PPP1R9A: variants seen among roughly 807,000 people sequenced by gnomAD.
PPP1R9A encodes neurabin-1.
A neutral mutation model predicts 141.9 loss-of-function variants in PPP1R9A; 59 were observed. That is an observed-to-expected ratio of 0.42 (90% CI 0.34 to 0.52). The LOEUF (loss-of-function observed/expected upper bound fraction) is 0.52, where lower values mean the gene tolerates loss of function less well. Ranked by LOEUF, PPP1R9A falls within the 20% of genes least tolerant of loss-of-function variation. PPP1R9A has a pLI of 0.10. For synonymous variants in PPP1R9A, 500 were observed against 569.7 expected (o/e 0.88, Z 1.74); for missense variants, 1,444 against 1,611.9 (o/e 0.90, Z 1.78).
chr7:95,222,543 G>A (rs1032357199), intron 7 of PPP1R9A, among the ~76,000 whole-genome samples: 10 of 151,832 alleles, frequency 6.6e-5, no homozygotes, highest in Admixed American at 3.3e-4. Context: ...TAATCAGAAA[G>A]GTAGGTAAAG....
At chr7:94,996,991 A>T (rs1358042799) in intron 2 of PPP1R9A, among the ~76,000 whole-genome samples, 3 of 151,932 alleles carry the variant, frequency 2.0e-5, no homozygotes, top group African/African-American at 7.3e-5. Flanking sequence ...TGGTAGAGAC[A>T]CGGGGTTTCA....
chr7:95,091,882 T>A (rs1185353074), intron 2 of PPP1R9A, among the ~76,000 whole-genome samples: 2 of 150,414 alleles, frequency 1.3e-5, no homozygotes, highest in South Asian at 2.1e-4. Context: ...GCATGGTTTT[T>A]TAATTCATGG....
At chr7:94,957,282 G>A (rs1447527067) in intron 2 of PPP1R9A, among the ~76,000 whole-genome samples, 1 of 152,084 alleles carries the variant, frequency 6.6e-6, no homozygotes, top group Non-Finnish European at 1.5e-5. Flanking sequence ...CTGCTTGGGT[G>A]TCATGCTTGA....
At chr7:94,928,826 A>G (rs1442347304) in intron 2 of PPP1R9A, among the ~76,000 whole-genome samples, 1 of 152,212 alleles carries the variant, frequency 6.6e-6, no homozygotes, top group Non-Finnish European at 1.5e-5. Flanking sequence ...TGAGGGAGAT[A>G]TAGATGACAG....
At chr7:95,288,513 A>T (rs1805765762) in intron 18 of PPP1R9A, 23 bp from the exon 19 acceptor site, 2 of 1,610,468 alleles carry the variant, frequency 1.2e-6, no homozygotes, top group Non-Finnish European at 8.5e-7. Context: ...CTTTAACAAC[A>T]CTACGTAACA....
At chr7:95,191,555 T>C (rs1019746665) in intron 5 of PPP1R9A, among the ~76,000 whole-genome samples, 3 of 152,076 alleles carry the variant, frequency 2.0e-5, no homozygotes, top group African/African-American at 4.8e-5. Context: ...AGAACACTAG[T>C]ATTTATTCCT....
chr7:94,926,538 G>A (rs1385876429), intron 2 of PPP1R9A, among the ~76,000 whole-genome samples: 3 of 152,190 alleles, frequency 2.0e-5, no homozygotes, highest in African/African-American at 7.2e-5. Context: ...ACTTGAGTAT[G>A]TGAGTGTATC....
intron 8 of PPP1R9A, among the ~76,000 whole-genome samples, chr7:95,235,266 A>G (rs1350961856): frequency 6.6e-6 from 1 of 152,192 alleles, no homozygotes; most frequent in Non-Finnish European, 1.5e-5. Flanking sequence ...CCATCTATAC[A>G]TCTGACAAAG....
intron 4 of PPP1R9A, among the ~76,000 whole-genome samples, chr7:95,135,181 C>T (rs895198150): frequency 1.3e-5 from 2 of 152,186 alleles, no homozygotes; most frequent in African/African-American, 4.8e-5. Context: ...TGCATATACA[C>T]ATATTTACAT....
intron 2 of PPP1R9A, among the ~76,000 whole-genome samples, chr7:95,074,153 G>A (rs1007151318): frequency 2.0e-5 from 3 of 152,162 alleles, no homozygotes; most frequent in Admixed American, 2.0e-4. Context: ...TAGAGTTGAT[G>A]TGAGCTTTCA....
chr7:95,081,244 T>G (rs535027588), intron 2 of PPP1R9A, among the ~76,000 whole-genome samples: 1 of 152,124 alleles, frequency 6.6e-6, no homozygotes, highest in Non-Finnish European at 1.5e-5. Context: ...ATTCAGAAAT[T>G]TCCAGGCATG....
At chr7:95,145,567 T>C (rs1370872645) in intron 4 of PPP1R9A, among the ~76,000 whole-genome samples, 1 of 152,218 alleles carries the variant, frequency 6.6e-6, no homozygotes, top group East Asian at 1.9e-4. Flanking sequence ...GTGGTTTAAG[T>C]ACATCAGTTA....
intron 2 of PPP1R9A, among the ~76,000 whole-genome samples, chr7:95,013,214 A>T (rs1418774658): frequency 6.6e-6 from 1 of 152,122 alleles, no homozygotes; most frequent in African/African-American, 2.4e-5. Flanking sequence ...GTTTTATTTG[A>T]AGGATAGGGG....
intron 14 of PPP1R9A, among the ~76,000 whole-genome samples, chr7:95,270,012 AG>A (rs1247391662): frequency 6.6e-6 from 1 of 152,182 alleles, no homozygotes; most frequent in Non-Finnish European, 1.5e-5. Flanking sequence ...CTTCTAGAAG[AG>A]GGATAATCAA....
chr7:95,083,977 A>G (rs1426041842), intron 2 of PPP1R9A, among the ~76,000 whole-genome samples: 2 of 152,058 alleles, frequency 1.3e-5, no homozygotes, highest in Non-Finnish European at 2.9e-5. Flanking sequence ...CAAAGGGAAC[A>G]TTGCACAGAA....
chr7:95,281,421 T>C (rs1804207667), intron 16 of PPP1R9A, among the ~76,000 whole-genome samples: 1 of 152,160 alleles, frequency 6.6e-6, no homozygotes, highest in African/African-American at 2.4e-5. Flanking sequence ...AGCCTCTGGG[T>C]ATCACCAGAG....
At chr7:95,097,143 C>G (rs1443333343) in intron 2 of PPP1R9A, among the ~76,000 whole-genome samples, 1 of 152,098 alleles carries the variant, frequency 6.6e-6, no homozygotes, top group Non-Finnish European at 1.5e-5. Flanking sequence ...CCTGCCTCAC[C>G]CTCCTGAGTA....
intron 5 of PPP1R9A, among the ~76,000 whole-genome samples, chr7:95,166,808 T>A (rs1831334865): frequency 6.6e-6 from 1 of 152,118 alleles, no homozygotes; most frequent in African/African-American, 2.4e-5. Context: ...AAAAAGATAA[T>A]ACACCATGAT....
chr7:95,185,490 C>T (rs141349231), intron 5 of PPP1R9A, among the ~76,000 whole-genome samples: 14 of 152,162 alleles, frequency 9.2e-5, no homozygotes, highest in Admixed American at 2.0e-4. Context: ...TCTGTTTACT[C>T]TGCTGAAAAC....
Sources: allele counts gnomAD v4.1 joint callset (sites outside exome capture counted in the v4.1 genomes callset), GRCh38; gene constraint gnomAD v4.1.1; transcripts MANE v1.5; gene names NCBI Gene and HGNC (gene_info 2026-07-23, HGNC 2026-07-21).